The following LEPR variants were observed in gnomAD, a reference collection of about 807,000 sequenced individuals.
The protein encoded by LEPR is OB receptor.
LEPR carries 56 observed loss-of-function variants against 114.7 expected under a neutral mutation model. The observed-to-expected ratio is 0.49, with a 90% confidence interval of 0.39 to 0.61. The LOEUF is 0.61. Ranked by LOEUF, LEPR falls within the 20% of genes least tolerant of loss-of-function variation. The pLI, the probability that LEPR is intolerant of heterozygous loss-of-function variation, is 0.00. For missense variants in LEPR, 1,202 were observed against 1,352.9 expected, an observed-to-expected ratio of 0.89 and a Z score of 1.75; for synonymous variants, 443 against 461.4, an observed-to-expected ratio of 0.96 and a Z score of 0.51.
chr1:65,572,041 G>A (rs1366053198), intron 4 of LEPR, among the ~76,000 whole-genome samples: 2 of 149,112 alleles, frequency 1.3e-5, no homozygotes, highest in African/African-American at 4.9e-5. Context: ...GAGCTCTTTT[G>A]TCCTATTTAA....
At chr1:65,572,586 G>T in intron 5 of LEPR, 137 bp downstream of exon 5, 3 of 933,394 alleles carry the variant, frequency 3.2e-6, no homozygotes, top group South Asian at 3.6e-5. Context: ...ATAGCATTCT[G>T]CTCTGTTAGG....
chr1:65,542,063 A>G (rs1002486347), intron 2 of LEPR, among the ~76,000 whole-genome samples: 4 of 152,216 alleles, frequency 2.6e-5, no homozygotes, highest in African/African-American at 9.6e-5. Context: ...AGTAGAATAT[A>G]GATTTGGATT....
chr1:65,553,354 A>G (rs968087423), intron 2 of LEPR, among the ~76,000 whole-genome samples: 2 of 152,152 alleles, frequency 1.3e-5, no homozygotes, highest in Non-Finnish European at 2.9e-5. Flanking sequence ...AGGTACACCA[A>G]TCAAACATAG....
At chr1:65,566,650 T>A (rs370696652) in intron 3 of LEPR, among the ~76,000 whole-genome samples, 1 of 152,238 alleles carries the variant, frequency 6.6e-6, no homozygotes, top group Non-Finnish European at 1.5e-5. Context: ...ACAAAACTTA[T>A]GTGATTTGGC....
chr1:65,420,921 T>C (rs1646233830), intron 1 of LEPR, among the ~76,000 whole-genome samples, 181 bp downstream of exon 1: 1 of 152,160 alleles, frequency 6.6e-6, no homozygotes, highest in Admixed American at 6.5e-5. Context: ...GGAGCGGCGT[T>C]TCGGGGGAGC....
chr1:65,433,987 A>G (rs1646523331), intron 2 of LEPR: 1 of 985,368 alleles, frequency 1.0e-6, no homozygotes. Flanking sequence ...TTTTCTTTCT[A>G]AGATGGCAAT....
chr1:65,618,239 T>C (rs955282883), intron 16 of LEPR, 93 bp downstream of exon 16: 4 of 1,179,404 alleles, frequency 3.4e-6, no homozygotes, highest in Non-Finnish European at 4.8e-6. Context: ...AATGAAAACT[T>C]CAAAAATATA....
At chr1:65,525,667 C>G (rs1649896652) in intron 2 of LEPR, 1 of 985,606 alleles carries the variant, frequency 1.0e-6, no homozygotes, top group Non-Finnish European at 1.2e-6. Context: ...CTGCCCTCCT[C>G]CTCTCCTGAG....
At chr1:65,532,891 A>G (rs146882423) in intron 2 of LEPR, among the ~76,000 whole-genome samples, 2 of 152,246 alleles carry the variant, frequency 1.3e-5, no homozygotes, top group Non-Finnish European at 2.9e-5. Flanking sequence ...AATATTTTGA[A>G]ATTAGACAGT....
chr1:65,460,321 G>C (rs1646928855), intron 2 of LEPR, among the ~76,000 whole-genome samples: 1 of 152,152 alleles, frequency 6.6e-6, no homozygotes, highest in Non-Finnish European at 1.5e-5. Flanking sequence ...CCTGATCACA[G>C]TGCTCTGATT....
intron 2 of LEPR, among the ~76,000 whole-genome samples, chr1:65,436,615 A>G (rs1362944419): frequency 6.6e-6 from 1 of 152,216 alleles, no homozygotes; most frequent in Non-Finnish European, 1.5e-5. Flanking sequence ...GACCATTTTG[A>G]AACATTTATT....
chr1:65,573,220 C>T lies in LEPR; in HGVS notation c.494+771C>T, dbSNP rs765799804. 3.9e-5 allele frequency among the ~76,000 whole-genome samples: 6 copies of T among 152,120 alleles called. No homozygotes were observed. The East Asian group carries it at 5.8e-4, about 15-fold the overall frequency. On this transcript the variant is annotated intron_variant, in intron 5 of 19. Transcript: ENST00000349533. ...GATAACAGATGGAGTTATATGCCTGCGCACTACTCGCTGAGTCATGCAGGC... is the reference window on the plus strand; with the variant it reads ...GATAACAGATGGAGTTATATGCCTGTGCACTACTCGCTGAGTCATGCAGGC...
chr1:65,512,331 C>G (rs573425033), intron 2 of LEPR, among the ~76,000 whole-genome samples: 1 of 152,050 alleles, frequency 6.6e-6, no homozygotes, highest in Non-Finnish European at 1.5e-5. Flanking sequence ...GAGATTTGGG[C>G]GGGGACACAA....
chr1:65,536,354 C>T (rs950776155), intron 2 of LEPR, among the ~76,000 whole-genome samples: 6 of 152,142 alleles, frequency 3.9e-5, no homozygotes, highest in African/African-American at 1.4e-4. Flanking sequence ...GAGGCCCTCA[C>T]CAGATGCAGT....
intron 19 of LEPR, chr1:65,626,194 A>G: frequency 6.2e-7 from 1 of 1,605,218 alleles, no homozygotes; most frequent in South Asian, 1.1e-5. Context: ...ACTACGTCCT[A>G]CCTCGCTGCC....
chr1:65,574,412 T>A lies in LEPR; in HGVS notation c.494+1963T>A, dbSNP rs74084049. Among the ~76,000 whole-genome samples the A allele has an allele frequency of 1.4e-3, 211 of 152,208 alleles. 1 individual carries two copies. Among genetic ancestry groups the A allele is most frequent in the African/African-American group, 4.7e-3 (196 of 41,540 alleles). On this transcript the variant is annotated intron_variant, in intron 5 of 19. Transcript: ENST00000349533. The stretch of plus-strand genomic sequence containing the variant: ...TAAAGTATAATAATAATAAAAAAAA[T>A]TTAAATTTGCTAGCTCACCCCTGTG...
chr1:65,524,979 CT>C (rs1461634396), intron 2 of LEPR, among the ~76,000 whole-genome samples: 1 of 152,108 alleles, frequency 6.6e-6, no homozygotes, highest in Non-Finnish European at 1.5e-5. Context: ...TTCAAGAGTA[CT>C]TTCAAAAAAA....
intron 2 of LEPR, chr1:65,435,663 A>G: frequency 1.0e-6 from 1 of 985,310 alleles, no homozygotes; most frequent in Non-Finnish European, 1.2e-6. Context: ...CACTGTGCCC[A>G]GCCAAAATGT....
intron 2 of LEPR, among the ~76,000 whole-genome samples, chr1:65,426,870 C>T (rs758096219): frequency 1.1e-3 from 164 of 152,088 alleles, no homozygotes; most frequent in Non-Finnish European, 1.9e-3. Context: ...TGGTGGCACA[C>T]GCCTGTATTC....
Sources: gnomAD v4.1 joint callset for allele counts (sites outside exome capture counted in the v4.1 genomes callset) on GRCh38, gnomAD v4.1.1 for gene constraint, MANE v1.5 for transcripts, NCBI Gene and HGNC (gene_info 2026-07-23, HGNC 2026-07-21) for gene names.